The following ERCC6L2 variants were observed in gnomAD, a reference collection of about 807,000 sequenced individuals.
ERCC6L2 encodes the protein ERCC excision repair 6 like 2.
A neutral mutation model predicts 132.0 loss-of-function variants in ERCC6L2; 77 were observed. That is an observed-to-expected ratio of 0.58 (90% confidence interval 0.49 to 0.71). ERCC6L2 has a LOEUF of 0.71. Ranked by LOEUF, ERCC6L2 falls within the 30% of genes least tolerant of loss-of-function variation. ERCC6L2 has a pLI of 0.00. For synonymous variants in ERCC6L2, 583 were observed against 632.4 expected, an observed-to-expected ratio of 0.92 and a Z score of 1.17; for missense variants, 1,542 against 1,837.6, an observed-to-expected ratio of 0.84 and a Z score of 2.94.
At chr9:96,025,195 C>T (rs181616089) in intron 19 of ERCC6L2, among the ~76,000 whole-genome samples, 97 of 152,256 alleles carry the variant, frequency 6.4e-4, no homozygotes, top group African/African-American at 2.2e-3. Flanking sequence ...TCAGGTGTGG[C>T]GTGGTGTCGA....
At chr9:95,899,590 T>TTATATATATATATATATATA (rs150595611) in intron 3 of ERCC6L2, among the ~76,000 whole-genome samples, 5 of 138,484 alleles carry the variant, frequency 3.6e-5, no homozygotes, top group African/African-American at 1.4e-4. Flanking sequence ...TTTTTTCTCT[T>TTATATATATATATATATATA]TATATATATA....
intron 17 of ERCC6L2, among the ~76,000 whole-genome samples, chr9:95,979,893 T>A (rs79169400): frequency 0.11 from 16,102 of 152,208 alleles, 934 homozygotes; most frequent in Admixed American, 0.14. Flanking sequence ...TAGGTTTTTT[T>A]TTAAACTGTG....
chr9:95,906,660 G>A (rs1829051683), intron 3 of ERCC6L2: 2 of 457,126 alleles, frequency 4.4e-6, no homozygotes, highest in Non-Finnish European at 8.8e-6. Flanking sequence ...AATGCAGAAG[G>A]AAAGAGAGCT....
At chr9:95,985,736 C>G (rs1181008140) in intron 17 of ERCC6L2, among the ~76,000 whole-genome samples, 1 of 152,112 alleles carries the variant, frequency 6.6e-6, no homozygotes, top group Non-Finnish European at 1.5e-5. Context: ...CAATTGGGCC[C>G]TAGTGTGCTT....
chr9:95,907,838 C>CACACACACACACAA (rs1829131868), intron 4 of ERCC6L2, among the ~76,000 whole-genome samples: 3 of 117,576 alleles, frequency 2.6e-5, no homozygotes, highest in South Asian at 2.6e-4. Context: ...CACACACACA[C>CACACACACACACAA]ACACACACAC....
In ERCC6L2 at chr9:96,029,303, CAAAAAA is replaced by C. The variant is rs201014094; in HGVS notation, c.*1504-9558_*1504-9553del. 5.6e-3 allele frequency among the ~76,000 whole-genome samples: 462 copies of C among 81,806 alleles called. 3 individuals carry two copies. Among genetic ancestry groups the C allele is most frequent in the African/African-American group, 0.016 (401 of 25,528 alleles). The allele number at this position is 81,806 out of a possible 152,430, so 53.7% of individuals were successfully genotyped here. On this transcript the variant is annotated intron_variant and NMD_transcript_variant, in intron 19 of 20. Transcript: ENST00000670016. The stretch of plus-strand genomic sequence containing the variant: ...TGGGTGACAGAGCAAGACTCCGTCT[CAAAAAA>C]AAAAAAAAAAAAAACAAAAAAAAAA...
Position 96,014,661 on chromosome 9 carries a change from A to G in ERCC6L2, c.*1458A>G, listed in dbSNP as rs1363302280. On this transcript the variant is annotated 3_prime_UTR_variant, in exon 19 of 19. Coordinates refer to ENST00000653738, the MANE Select transcript of ERCC6L2 (RefSeq NM_020207.7). ...GTGTGTGTTAATCCTCTCACAACCC[A>G]CTGAATTGAATTTCATGGCCCATGG... 6.6e-6 allele frequency: 1 copy of G among 152,222 alleles called. No individual in the cohort carries two copies. Among genetic ancestry groups the G allele is most frequent in the Non-Finnish European group, 1.5e-5 (1 of 68,036 alleles). 9.4% of individuals were successfully genotyped at this position (152,222 alleles called of 1,614,324 possible).
intron 17 of ERCC6L2, among the ~76,000 whole-genome samples, chr9:95,987,176 C>G (rs1386140773): frequency 6.6e-6 from 1 of 152,152 alleles, no homozygotes; most frequent in Non-Finnish European, 1.5e-5. Flanking sequence ...AGAGCCAAAC[C>G]ATATCATTCT....
chr9:95,962,470 GACAGTA>G (rs1831952522), intron 13 of ERCC6L2, among the ~76,000 whole-genome samples: 1 of 152,126 alleles, frequency 6.6e-6, no homozygotes, highest in Non-Finnish European at 1.5e-5. Context: ...CTAAATGTCT[GACAGTA>G]ACAGAATAAA....
intron 13 of ERCC6L2, among the ~76,000 whole-genome samples, chr9:95,958,021 T>A: frequency 1.1e-5 from 1 of 89,850 alleles, no homozygotes. Flanking sequence ...ATGCTATCCC[T>A]CCCCCCTCCC....
chr9:95,914,580 C>G (rs1293448561), intron 4 of ERCC6L2, among the ~76,000 whole-genome samples: 1 of 152,132 alleles, frequency 6.6e-6, no homozygotes, highest in Non-Finnish European at 1.5e-5. Flanking sequence ...TCTTGATTTT[C>G]TGACCTCGTG....
intron 11 of ERCC6L2, among the ~76,000 whole-genome samples, chr9:95,929,742 G>A (rs1426127617): frequency 6.6e-6 from 1 of 152,080 alleles, no homozygotes; most frequent in African/African-American, 2.4e-5. Context: ...TTTTTTTCAT[G>A]CGTCCTTACA....
chr9:95,923,504 C>A, intron 9 of ERCC6L2, 125 bp downstream of exon 9: 1 of 1,089,620 alleles, frequency 9.2e-7, no homozygotes, highest in Non-Finnish European at 1.3e-6. Flanking sequence ...TGGCTATGGA[C>A]AAGTGGTGCA....
At chr9:95,932,589 G>A (rs1364233322) in intron 11 of ERCC6L2, among the ~76,000 whole-genome samples, 5 of 152,054 alleles carry the variant, frequency 3.3e-5, no homozygotes, top group Non-Finnish European at 7.4e-5. Flanking sequence ...TTTAAGGTAT[G>A]AAGCCACCCT....
chr9:95,990,842 T>A (rs1314334637), intron 17 of ERCC6L2, among the ~76,000 whole-genome samples: 1 of 152,200 alleles, frequency 6.6e-6, no homozygotes, highest in Non-Finnish European at 1.5e-5. Flanking sequence ...GCACGTGGGT[T>A]CTTGTCTGGT....
intron 6 of ERCC6L2, among the ~76,000 whole-genome samples, chr9:95,919,285 T>C (rs1265180474): frequency 6.6e-6 from 1 of 152,218 alleles, no homozygotes; most frequent in East Asian, 1.9e-4. Context: ...TTATTGCCAA[T>C]AATCTGATGT....
chr9:95,964,973 A>G (rs190661251), intron 13 of ERCC6L2, among the ~76,000 whole-genome samples: 2 of 152,296 alleles, frequency 1.3e-5, no homozygotes, highest in African/African-American at 2.4e-5. Flanking sequence ...CAGTCTGACA[A>G]TATCAGTGTT....
intron 19 of ERCC6L2, chr9:96,038,808 G>A (rs1834547636): frequency 4.4e-6 from 2 of 455,612 alleles, no homozygotes; most frequent in African/African-American, 4.0e-5. Flanking sequence ...AATGGGGGCT[G>A]GACTTAACGA....
chr9:95,999,365 A>AAC (rs926484410), intron 17 of ERCC6L2, among the ~76,000 whole-genome samples: 3 of 152,048 alleles, frequency 2.0e-5, no homozygotes, highest in African/African-American at 7.3e-5. Context: ...TGTCTCAAAA[A>AAC]AAAAAAAATT....
Sources: gnomAD v4.1 joint callset for allele counts (sites outside exome capture counted in the v4.1 genomes callset) on GRCh38, gnomAD v4.1.1 for gene constraint, MANE v1.5 for transcripts, NCBI Gene and HGNC (gene_info 2026-07-23, HGNC 2026-07-21) for gene names.